SMC4: variants seen among roughly 807,000 people sequenced by gnomAD.
SMC4 encodes the protein structural maintenance of chromosomes 4, also known as structural maintenance of chromosomes protein 4.
Under a neutral mutation model 145.6 loss-of-function variants are expected in SMC4, and 87 were observed. That is an observed-to-expected ratio of 0.60 (90% CI 0.50 to 0.71). The LOEUF (loss-of-function observed/expected upper bound fraction) is 0.71, where lower values mean the gene tolerates loss of function less well. Among genes scored for constraint, SMC4 ranks in the 30% least tolerant of loss-of-function variants. SMC4 has a pLI of 0.00. For missense variants in SMC4, 1,447 were observed against 1,537.1 expected (o/e 0.94, Z 0.98); for synonymous variants, 558 against 500.7 (o/e 1.11, Z -1.53).
Position 160,433,649 on chromosome 3 carries a change from C to T in SMC4, c.3715-8C>T. 2.0e-6 allele frequency: 3 copies of T among 1,497,548 alleles called. No homozygotes were observed. Among genetic ancestry groups the T allele is most frequent in the Non-Finnish European group, 2.7e-6 (3 of 1,112,068 alleles). 92.8% of individuals were successfully genotyped at this position (1,497,548 alleles called of 1,614,324 possible). A position where few individuals can be genotyped will look rare whatever the true frequency, so the allele number is the denominator to read the frequency against. On this transcript the variant is annotated splice_polypyrimidine_tract_variant and splice_region_variant and intron_variant, in intron 23 of 23. Coordinates refer to ENST00000357388, the MANE Select transcript of SMC4 (RefSeq NM_001002800.3). ...CTTAATGTTTGACTTTTCTTTGTTTCTCTTTAGGAACAAACAAAAAATGCA... is the reference window on the plus strand; with the variant it reads ...CTTAATGTTTGACTTTTCTTTGTTTTTCTTTAGGAACAAACAAAAAATGCA...
Position 160,433,952 on chromosome 3 carries a change from A to G in SMC4, c.*143A>G, listed in dbSNP as rs1004400762. 1.4e-5 allele frequency: 8 copies of G among 553,164 alleles called. No homozygotes were observed. In the African/African-American group the frequency reaches 1.6e-4, roughly 11 times the overall value. The allele number at this position is 553,164 out of a possible 1,614,324, so 34.3% of individuals were successfully genotyped here. A position where few individuals can be genotyped will look rare whatever the true frequency, so the allele number is the denominator to read the frequency against. ...CTGTTTTATGCAGTTGTCATTTGTAAAGTCTAATAAAATATTCTCTATAAT... is the reference window on the plus strand; with the variant it reads ...CTGTTTTATGCAGTTGTCATTTGTAGAGTCTAATAAAATATTCTCTATAAT... On this transcript the variant is annotated 3_prime_UTR_variant, in exon 24 of 24. Coordinates refer to ENST00000357388, the MANE Select transcript of SMC4 (RefSeq NM_001002800.3).
At chr3:160,429,316 T>A (rs1223983601) in intron 18 of SMC4, among the ~76,000 whole-genome samples, 1 of 152,108 alleles carries the variant, frequency 6.6e-6, no homozygotes, top group South Asian at 2.1e-4. Context: ...CTTAGCAAAA[T>A]TAATTCTCTT....
intron 1 of SMC4, chr3:160,400,545 C>T (rs984686059): frequency 2.5e-6 from 1 of 393,628 alleles, no homozygotes; most frequent in Non-Finnish European, 4.5e-6. Flanking sequence ...GGTGGAGAGC[C>T]TTAAAAACAA....
chr3:160,408,663 A>G (rs1715618088), intron 5 of SMC4, among the ~76,000 whole-genome samples: 1 of 152,360 alleles, frequency 6.6e-6, no homozygotes, highest in East Asian at 1.9e-4. Flanking sequence ...TATTGCCCTA[A>G]ATTAAAACTA....
In SMC4 at chr3:160,423,853, A is replaced by C. The variant is rs1453677017; in HGVS notation, c.2325+13A>C. The C allele has an allele frequency of 6.3e-7, 1 of 1,591,946 alleles. No homozygotes were observed. Among genetic ancestry groups the C allele is most frequent in the Non-Finnish European group, 8.5e-7 (1 of 1,170,124 alleles). ...CTCTGAAGAAGAGGTCAGCATATCT[A>C]AAATTGTATCCAGACTTTTTTTTTT... On this transcript the variant is annotated intron_variant, in intron 15 of 23. Transcript: ENST00000357388.
intron 5 of SMC4, among the ~76,000 whole-genome samples, chr3:160,410,823 G>A (rs1181191966): frequency 6.6e-6 from 1 of 152,026 alleles, no homozygotes; most frequent in Non-Finnish European, 1.5e-5. Context: ...TATTCACTTA[G>A]GAAATAGGAA....
Position 160,423,502 on chromosome 3 carries a change from A to G in SMC4, c.2097A>G (p.Val699=). The change falls in exon 14 of 24, where the codon GTA becomes GTG. Residue 699 remains valine, a synonymous_variant. Coordinates refer to ENST00000357388, the MANE Select transcript of SMC4 (RefSeq NM_001002800.3). The part of the protein sequence containing the change: ...NTPRLFDLVK[V]KDEKIRQAFY... ...CTCGTTTATTTGATTTAGTAAAAGT[A>G]AAAGATGAGAAAATTCGCCAAGCTT... The G allele has an allele frequency of 6.2e-7, 1 of 1,613,858 alleles. No homozygotes were observed. The highest frequency in any genetic ancestry group is 8.5e-7 in the Non-Finnish European group (1 of 1,179,838).
At chr3:160,406,340 C>T (rs745959293) in intron 5 of SMC4, among the ~76,000 whole-genome samples, 8 of 152,138 alleles carry the variant, frequency 5.3e-5, no homozygotes, top group Non-Finnish European at 7.4e-5. Flanking sequence ...GATTGGACTA[C>T]GGTAGAACTA....
At chr3:160,404,186 G>A (rs756922295) in intron 4 of SMC4, 142 bp from the exon 5 acceptor site, 3 of 659,432 alleles carry the variant, frequency 4.5e-6, no homozygotes, top group Non-Finnish European at 7.5e-6. Flanking sequence ...TTATTAATGA[G>A]AACTACTGGC....
chr3:160,419,538 A>G lies in SMC4; in HGVS notation c.1852A>G (p.Arg618Gly). The G allele has an allele frequency of 1.3e-6, 2 of 1,588,244 alleles. No homozygotes were observed. Among genetic ancestry groups the G allele is most frequent in the Non-Finnish European group, 1.7e-6 (2 of 1,173,550 alleles). ...KSGRIPGIYG[R>G]LGDLGAIDEK... is the part of the protein sequence containing the mutation. ...TGGCAGGATTCCAGGAATATATGGA[A>G]GATTGGTAAAGTAGATTTTTGGGGG... is the stretch of plus-strand genomic sequence containing the variant. Residue 618 changes from arginine (R) to glycine (G), a missense_variant, in exon 12 of 24, where the codon AGA (arginine) becomes GGA (glycine). Coordinates refer to ENST00000357388, the MANE Select transcript of SMC4 (RefSeq NM_001002800.3).
intron 18 of SMC4, 32 bp from the exon 19 acceptor site, chr3:160,430,564 TACC>T: frequency 5.3e-6 from 8 of 1,516,644 alleles, no homozygotes; most frequent in Non-Finnish European, 4.4e-6. Context: ...CAAATCACCT[TACC>T]ACATTTTTGA....
At chr3:160,406,976 A>G (rs1576943758) in intron 5 of SMC4, among the ~76,000 whole-genome samples, 1 of 152,126 alleles carries the variant, frequency 6.6e-6, no homozygotes, top group Non-Finnish European at 1.5e-5. Flanking sequence ...ATATATACCT[A>G]CTTTGGGAGC....
rs564337967 is a variant in SMC4 at position 160,431,751 on chromosome 3, C to G, written c.3223C>G (p.Gln1075Glu). The G allele has an allele frequency of 6.2e-7, 1 of 1,613,730 alleles. No homozygotes were observed. ...CAAGAATCCAGATTCTATAACAAAT[C>G]AAATTGCACTTTTGGAAGCCCGGTG... ...AIKNPDSITN[Q>E]IALLEARCHE... Residue 1075 changes from glutamine (Q) to glutamate (E), a missense_variant, in exon 21 of 24, where the codon CAA (glutamine) becomes GAA (glutamate). By Grantham distance (29) the Gln-to-Glu change is conservative. Coordinates refer to ENST00000357388, the MANE Select transcript of SMC4 (RefSeq NM_001002800.3).
In SMC4 at chr3:160,423,842, T is replaced by C; in HGVS notation, c.2325+2T>C. The C allele has an allele frequency of 1.2e-6, 2 of 1,601,922 alleles. No homozygotes were observed. The highest frequency in any genetic ancestry group is 1.7e-6 in the Non-Finnish European group (2 of 1,175,120). ...GTTATTGAAATCTCTGAAGAAGAGG[T>C]CAGCATATCTAAAATTGTATCCAGA... On this transcript the variant is annotated splice_donor_variant, in intron 15 of 23. Transcript: ENST00000357388. LOFTEE classifies it high-confidence loss of function.
chr3:160,418,176 C>G (rs1476405949), intron 11 of SMC4, among the ~76,000 whole-genome samples: 1 of 151,974 alleles, frequency 6.6e-6, no homozygotes, highest in African/African-American at 2.4e-5. Context: ...AGTAAATCAC[C>G]ACCACCACCC....
intron 18 of SMC4, among the ~76,000 whole-genome samples, chr3:160,429,207 C>CA (rs1383325933): frequency 6.6e-6 from 1 of 151,950 alleles, no homozygotes; most frequent in Non-Finnish European, 1.5e-5. Context: ...GCATAGAAAT[C>CA]AGTTTTGTTT....
Position 160,419,354 on chromosome 3 carries a change from T to G in SMC4, c.1672-4T>G. ...TCTGGATTTCATTTTATTTTCACTT[T>G]TAGAAAGAAAAAGAACTTCAAAAAC... On this transcript the variant is annotated splice_region_variant and splice_polypyrimidine_tract_variant and intron_variant, in intron 11 of 23. Transcript: ENST00000357388. 6.3e-7 allele frequency: 1 copy of G among 1,575,072 alleles called. No homozygotes were observed. The highest frequency in any genetic ancestry group is 1.9e-5 in the Admixed American group (1 of 51,810).
At chr3:160,410,756 G>T (rs180789265) in intron 5 of SMC4, among the ~76,000 whole-genome samples, 7 of 152,146 alleles carry the variant, frequency 4.6e-5, no homozygotes, top group Non-Finnish European at 7.4e-5. Context: ...TGAGGCTTTT[G>T]GTGAATTATG....
In SMC4 at chr3:160,432,087, G is replaced by A. The variant is rs140811062; in HGVS notation, c.3298-196G>A. The stretch of plus-strand genomic sequence containing the variant: ...CGTTGTGGCACGTGCCTGTAATCCC[G>A]GGTACTCGGGAGGCTGAGGCAGGAG... On this transcript the variant is annotated intron_variant, in intron 21 of 23. Transcript: ENST00000357388. Among the ~76,000 whole-genome samples the A allele has an allele frequency of 9.8e-3, 1,490 of 152,232 alleles. 14 individuals carry two copies. The highest frequency in any genetic ancestry group is 0.016 in the Non-Finnish European group (1,102 of 67,998).
Sources: allele counts gnomAD v4.1 joint callset (sites outside exome capture counted in the v4.1 genomes callset), GRCh38; gene constraint gnomAD v4.1.1; transcripts MANE v1.5; gene names NCBI Gene and HGNC (gene_info 2026-07-23, HGNC 2026-07-21).